The following KCNMA1 variants were observed in gnomAD, a reference collection of about 807,000 sequenced individuals.
KCNMA1 encodes the protein potassium calcium-activated channel subfamily M alpha 1, also known as Calcium-activated potassium channel subunit alpha-1.
In KCNMA1, 29 loss-of-function variants were observed where a neutral mutation model predicts 140.0. That is an observed-to-expected ratio of 0.21 (90% confidence interval 0.15 to 0.28). The LOEUF (loss-of-function observed/expected upper bound fraction) is 0.28. Ranked by LOEUF, KCNMA1 falls within the 10% of genes least tolerant of loss-of-function variation. KCNMA1 has a pLI of 1.00. For synonymous variants in KCNMA1, 612 were observed against 611.9 expected, an observed-to-expected ratio of 1.00 and a Z score of 0.00; for missense variants, 880 against 1,602.2, an observed-to-expected ratio of 0.55 and a Z score of 7.70.
At chr10:77,471,398 C>T (rs1476727119) in intron 1 of KCNMA1, among the ~76,000 whole-genome samples, 1 of 150,320 alleles carries the variant, frequency 6.7e-6, no homozygotes, top group African/African-American at 2.5e-5. Context: ...ACATAACACA[C>T]ATCACACATA....
chr10:76,890,429 C>A (rs1289784551), intron 26 of KCNMA1, among the ~76,000 whole-genome samples: 1 of 152,168 alleles, frequency 6.6e-6, no homozygotes, highest in Non-Finnish European at 1.5e-5. Flanking sequence ...GGGACCAAAT[C>A]TTACCATTAT....
intron 5 of KCNMA1, among the ~76,000 whole-genome samples, chr10:77,173,292 T>C (rs998443969): frequency 6.6e-6 from 1 of 152,254 alleles, no homozygotes; most frequent in Non-Finnish European, 1.5e-5. Context: ...CAGCATAGTA[T>C]CATATCAAGT....
At chr10:77,268,383 C>T (rs913107529) in intron 2 of KCNMA1, among the ~76,000 whole-genome samples, 2 of 152,062 alleles carry the variant, frequency 1.3e-5, no homozygotes, top group Non-Finnish European at 2.9e-5. Context: ...GGAGATTCTC[C>T]GAGAGAAGCC....
intron 2 of KCNMA1, among the ~76,000 whole-genome samples, chr10:77,377,149 C>T (rs1030982854): frequency 6.6e-5 from 10 of 152,288 alleles, no homozygotes; most frequent in Admixed American, 3.3e-4. Context: ...GGGATCTACG[C>T]AGGTCTGTCC....
intron 1 of KCNMA1, among the ~76,000 whole-genome samples, chr10:77,550,234 C>G (rs939449361): frequency 6.6e-6 from 1 of 152,180 alleles, no homozygotes; most frequent in Non-Finnish European, 1.5e-5. Context: ...GGGATCCCAG[C>G]CTACTCCCAA....
chr10:77,037,680 C>G (rs1198031015), intron 15 of KCNMA1, among the ~76,000 whole-genome samples: 1 of 152,102 alleles, frequency 6.6e-6, no homozygotes, highest in Non-Finnish European at 1.5e-5. Flanking sequence ...TGACGGAGCC[C>G]CTGCTGACAC....
intron 23 of KCNMA1, among the ~76,000 whole-genome samples, chr10:76,924,539 C>G (rs1482482337): frequency 1.3e-5 from 2 of 152,078 alleles, no homozygotes; most frequent in African/African-American, 4.8e-5. Flanking sequence ...CCTGAAATCT[C>G]GAAACCTCAT....
chr10:77,269,160 G>A (rs1028896476), intron 2 of KCNMA1, among the ~76,000 whole-genome samples: 2 of 152,114 alleles, frequency 1.3e-5, no homozygotes, highest in African/African-American at 2.4e-5. Flanking sequence ...CTCTATCTAA[G>A]AGCCTGAAAT....
chr10:76,937,109 A>C (rs971812453), intron 23 of KCNMA1, among the ~76,000 whole-genome samples: 6 of 152,322 alleles, frequency 3.9e-5, no homozygotes, highest in Admixed American at 3.3e-4. Context: ...CCTTTAGCAA[A>C]GAGACAGTCA....
chr10:77,636,782 T>A, intron 1 of KCNMA1: 1 of 1,456,624 alleles, frequency 6.9e-7, no homozygotes, highest in South Asian at 1.4e-5. Flanking sequence ...CCCTTCTTTC[T>A]GACCCCACGA....
chr10:77,264,923 G>GT (rs1449319867), intron 2 of KCNMA1, among the ~76,000 whole-genome samples: 2 of 152,090 alleles, frequency 1.3e-5, no homozygotes, highest in African/African-American at 2.4e-5. Context: ...TCCACTACAG[G>GT]TTCAGAGTTG....
chr10:77,315,881 AT>A (rs967383219), intron 2 of KCNMA1, among the ~76,000 whole-genome samples: 4 of 152,180 alleles, frequency 2.6e-5, no homozygotes, highest in Admixed American at 1.3e-4. Flanking sequence ...CCATCACCAC[AT>A]AATCATTCTA....
intron 1 of KCNMA1, among the ~76,000 whole-genome samples, chr10:77,426,980 T>A (rs2097016785): frequency 6.6e-6 from 1 of 152,246 alleles, no homozygotes; most frequent in East Asian, 1.9e-4. Flanking sequence ...TTACATGGAA[T>A]GTACTTTGAT....
intron 1 of KCNMA1, among the ~76,000 whole-genome samples, chr10:77,429,644 A>G (rs2097105570): frequency 6.6e-6 from 1 of 152,196 alleles, no homozygotes; most frequent in Non-Finnish European, 1.5e-5. Context: ...AAAGGCCCTA[A>G]AAAGTTCTGC....
At chr10:77,320,407 A>G (rs2082032895) in intron 2 of KCNMA1, among the ~76,000 whole-genome samples, 1 of 152,096 alleles carries the variant, frequency 6.6e-6, no homozygotes, top group Non-Finnish European at 1.5e-5. Context: ...CTCCCCTAAG[A>G]ACCTAATTGG....
chr10:77,455,975 T>C (rs773144051), intron 1 of KCNMA1, among the ~76,000 whole-genome samples: 2 of 152,228 alleles, frequency 1.3e-5, no homozygotes, highest in Non-Finnish European at 2.9e-5. Flanking sequence ...GTGTGGCTGA[T>C]GAATTGAACA....
chr10:77,461,800 C>G (rs192277213), intron 1 of KCNMA1, among the ~76,000 whole-genome samples: 7 of 152,170 alleles, frequency 4.6e-5, no homozygotes, highest in Admixed American at 4.6e-4. Context: ...CTTCCTTCCC[C>G]GTGAGTCTGC....
At chr10:77,623,314 T>C (rs796560322) in intron 1 of KCNMA1, among the ~76,000 whole-genome samples, 1 of 152,318 alleles carries the variant, frequency 6.6e-6, no homozygotes, top group African/African-American at 2.4e-5. Flanking sequence ...TAAAAACCTC[T>C]GCCATATCTA....
exon 30 of KCNMA1, chr10:76,877,739 T>C: frequency 6.4e-7 from 1 of 1,552,394 alleles, no homozygotes; most frequent in East Asian, 2.4e-5. Context: ...CTCCTGGGAG[T>C]CAACATTCAT....
Sources: allele counts gnomAD v4.1 joint callset (sites outside exome capture counted in the v4.1 genomes callset), GRCh38; gene constraint gnomAD v4.1.1; transcripts MANE v1.5; gene names NCBI Gene and HGNC (gene_info 2026-07-23, HGNC 2026-07-21).